The following SESTD1 variants were observed in gnomAD, a reference collection of about 807,000 sequenced individuals.
SESTD1 encodes SEC14 domain and spectrin repeat-containing protein 1.
A neutral mutation model predicts 101.7 loss-of-function variants in SESTD1; 43 were observed. The ratio of observed to expected loss-of-function variants is 0.42; its 90% CI spans 0.33 to 0.55. The LOEUF is 0.55. Ranked by LOEUF, SESTD1 falls within the 20% of genes least tolerant of loss-of-function variation. The pLI, the probability that SESTD1 is intolerant of heterozygous loss-of-function variation, is 0.07. For synonymous variants in SESTD1, 283 were observed against 286.8 expected, an observed-to-expected ratio of 0.99 and a Z score of 0.13; for missense variants, 647 against 815.1, an observed-to-expected ratio of 0.79 and a Z score of 2.51.
At chr2:179,135,124 T>C (rs1427146975) in intron 9 of SESTD1, among the ~76,000 whole-genome samples, 2 of 152,050 alleles carry the variant, frequency 1.3e-5, no homozygotes, top group East Asian at 3.9e-4. Context: ...TTTCTATTTT[T>C]AGTAGAGATG....
At chr2:179,227,058 C>T (rs1419925122) in intron 1 of SESTD1, among the ~76,000 whole-genome samples, 1 of 152,146 alleles carries the variant, frequency 6.6e-6, no homozygotes, top group Non-Finnish European at 1.5e-5. Context: ...AGACCTGGCC[C>T]ATTAGGATTA....
intron 5 of SESTD1, among the ~76,000 whole-genome samples, chr2:179,160,920 T>C (rs1392453009): frequency 6.6e-6 from 1 of 152,086 alleles, no homozygotes; most frequent in African/African-American, 2.4e-5. Flanking sequence ...AACTTCATAA[T>C]AACACACCTT....
chr2:179,153,149 T>C (rs996347470), intron 5 of SESTD1, among the ~76,000 whole-genome samples: 2 of 152,154 alleles, frequency 1.3e-5, no homozygotes, highest in African/African-American at 2.4e-5. Flanking sequence ...CTCAGAAGAA[T>C]AGACATATTC....
At chr2:179,152,425 T>C (rs6433760) in intron 5 of SESTD1, among the ~76,000 whole-genome samples, 69,159 of 152,106 alleles carry the variant, frequency 0.45, 18,636 homozygotes, top group African/African-American at 0.76. Context: ...ATGTGCTTGT[T>C]GAATCTCATA....
At chr2:179,193,194 C>CT (rs1224598210) in intron 1 of SESTD1, among the ~76,000 whole-genome samples, 2 of 152,094 alleles carry the variant, frequency 1.3e-5, no homozygotes, top group Non-Finnish European at 2.9e-5. Flanking sequence ...CAGATAATGG[C>CT]TAATTAAACA....
At chr2:179,125,819 G>T (rs2044860697) in intron 10 of SESTD1, among the ~76,000 whole-genome samples, 1 of 152,064 alleles carries the variant, frequency 6.6e-6, no homozygotes, top group Non-Finnish European at 1.5e-5. Flanking sequence ...TCACTGGGAA[G>T]TAATCGGAAA....
rs2044313782 is a variant in SESTD1, at chr2:179,103,382, G to A, written c.*6517C>T. 6.6e-6 allele frequency: 1 copy of A among 152,020 alleles called. No homozygotes were observed. Among genetic ancestry groups the A allele is most frequent in the African/African-American group, 2.4e-5 (1 of 41,394 alleles). 9.4% of individuals were successfully genotyped at this position (152,020 alleles called of 1,614,324 possible). A position where few individuals can be genotyped will look rare whatever the true frequency, so the allele number is the denominator to read the frequency against. On this transcript the variant is annotated 3_prime_UTR_variant, in exon 18 of 18. Coordinates refer to ENST00000428443, the MANE Select transcript of SESTD1 (RefSeq NM_178123.5). ...GCACAATAAAACTGAACTGGAAAAAGGTATGGCAGTTTCTTTTAAAACTAC... is the reference window on the plus strand; with the variant it reads ...GCACAATAAAACTGAACTGGAAAAAAGTATGGCAGTTTCTTTTAAAACTAC...
chr2:179,142,458 CA>C (rs1263464181), intron 9 of SESTD1, among the ~76,000 whole-genome samples: 1 of 152,108 alleles, frequency 6.6e-6, no homozygotes, highest in Non-Finnish European at 1.5e-5. Flanking sequence ...AGAAAGAAGA[CA>C]GTTCAAGCGA....
At chr2:179,130,870 AT>A (rs1464918888) in intron 10 of SESTD1, among the ~76,000 whole-genome samples, 1 of 152,090 alleles carries the variant, frequency 6.6e-6, no homozygotes, top group Non-Finnish European at 1.5e-5. Flanking sequence ...TAAAAAAAAA[AT>A]CAAAACATTA....
At chr2:179,253,134 C>A (rs1321524445) in intron 1 of SESTD1, among the ~76,000 whole-genome samples, 1 of 152,144 alleles carries the variant, frequency 6.6e-6, no homozygotes, top group Non-Finnish European at 1.5e-5. Flanking sequence ...CTACCCCCAT[C>A]CAGCTGACAA....
intron 1 of SESTD1, among the ~76,000 whole-genome samples, chr2:179,229,613 T>C (rs1025412417): frequency 1.1e-4 from 17 of 151,730 alleles, no homozygotes; most frequent in Admixed American, 1.1e-3. Context: ...CCCTGAGTAA[T>C]ACAAACAAGG....
At position 179,108,683 on chromosome 2, in the gene SESTD1, T is replaced by C. The variant is rs902033611; in HGVS notation, c.*1216A>G. ...ATACAACTCGTTTATAATTTTGTAA[T>C]GACTACAAGACTAAAAAATAATTTT... is the stretch of plus-strand genomic sequence containing the variant. On this transcript the variant is annotated 3_prime_UTR_variant, in exon 18 of 18. Transcript: ENST00000428443. 1 of 151,926 alleles carries C rather than the reference T, an allele frequency of 6.6e-6. No individual in the cohort carries two copies. Among genetic ancestry groups the C allele is most frequent in the Admixed American group, 6.6e-5 (1 of 15,242 alleles). The allele number at this position is 151,926 out of a possible 1,614,324, so 9.4% of individuals were successfully genotyped here.
chr2:179,235,193 A>G (rs2047049052), intron 1 of SESTD1, among the ~76,000 whole-genome samples: 2 of 152,154 alleles, frequency 1.3e-5, no homozygotes, highest in Admixed American at 6.5e-5. Context: ...TATTGTGGTT[A>G]TATATTTTTT....
intron 10 of SESTD1, among the ~76,000 whole-genome samples, chr2:179,130,240 C>T (rs2105425759): frequency 6.6e-6 from 1 of 152,084 alleles, no homozygotes; most frequent in African/African-American, 2.4e-5. Flanking sequence ...TGTGTCTTAA[C>T]AATAGTCCAA....
chr2:179,149,410 T>C lies in SESTD1; in HGVS notation c.484-16A>G. Reference sequence around the variant, plus strand: ...TCTCAAAAACCTACAATATGAGTTTTATTAACATACTAAGAACAGTCTTAA... The same window carrying C: ...TCTCAAAAACCTACAATATGAGTTTCATTAACATACTAAGAACAGTCTTAA... On this transcript the variant is annotated splice_polypyrimidine_tract_variant and intron_variant, in intron 6 of 17. Transcript: ENST00000428443. 6.6e-7 allele frequency: 1 copy of C among 1,508,482 alleles called. No homozygotes were observed. Among genetic ancestry groups the C allele is most frequent in the African/African-American group, 1.4e-5 (1 of 71,914 alleles). 93.4% of individuals were successfully genotyped at this position (1,508,482 alleles called of 1,614,324 possible). A position where few individuals can be genotyped will look rare whatever the true frequency, so the allele number is the denominator to read the frequency against.
At chr2:179,170,864 A>G (rs1438699086) in intron 5 of SESTD1, among the ~76,000 whole-genome samples, 5 of 152,204 alleles carry the variant, frequency 3.3e-5, no homozygotes, top group Non-Finnish European at 7.3e-5. Context: ...CCAACTCCCT[A>G]GGGTTCGAAG....
At chr2:179,248,971 G>A (rs2047273238) in intron 1 of SESTD1, among the ~76,000 whole-genome samples, 1 of 151,006 alleles carries the variant, frequency 6.6e-6, no homozygotes, top group African/African-American at 2.4e-5. Flanking sequence ...CCCACCTGTG[G>A]TCCTAGCTAC....
chr2:179,193,108 A>G (rs1232669799), intron 1 of SESTD1, among the ~76,000 whole-genome samples: 2 of 152,136 alleles, frequency 1.3e-5, no homozygotes, highest in Non-Finnish European at 2.9e-5. Flanking sequence ...AGGGGGTGGG[A>G]AAAAAAGGCA....
intron 3 of SESTD1, among the ~76,000 whole-genome samples, chr2:179,181,201 C>T (rs934205789): frequency 6.6e-6 from 1 of 152,104 alleles, no homozygotes; most frequent in African/African-American, 2.4e-5. Context: ...TGCTTATCCA[C>T]GCCAGAGTGA....
Sources: allele counts gnomAD v4.1 joint callset (sites outside exome capture counted in the v4.1 genomes callset), GRCh38; gene constraint gnomAD v4.1.1; transcripts MANE v1.5; gene names NCBI Gene and HGNC (gene_info 2026-07-23, HGNC 2026-07-21).